The following UGT1A7 variants were observed in gnomAD, a reference collection of about 807,000 sequenced individuals.
The protein encoded by UGT1A7 is UDP glucuronosyltransferase family 1 member A7.
In UGT1A7, 33 loss-of-function variants were observed where a neutral mutation model predicts 45.6. The ratio of observed to expected loss-of-function variants is 0.72; its 90% CI spans 0.55 to 0.97. The LOEUF is 0.97. Ranked by LOEUF, UGT1A7 falls within the 50% of genes least tolerant of loss-of-function variation. The probability of loss-of-function intolerance (pLI) is 0.00; values close to 1 mark genes in which losing one functional copy is unlikely to be tolerated. For synonymous variants in UGT1A7, 274 were observed against 250.6 expected, an observed-to-expected ratio of 1.09 and a Z score of -0.88; for missense variants, 684 against 666.2, an observed-to-expected ratio of 1.03 and a Z score of -0.29.
At position 233,713,960 on chromosome 2, in the gene UGT1A7, A is replaced by T; in HGVS notation, c.855+31168A>T. 4.4e-6 allele frequency: 7 copies of T among 1,607,060 alleles called. No homozygotes were observed. The East Asian group carries it at 1.3e-4, about 31-fold the overall frequency. The stretch of plus-strand genomic sequence containing the variant: ...TCCATATCTACTTATCTTTCCAAAG[A>T]TTTCATTTCTGCTTCTCATTGTTGT... On this transcript the variant is annotated intron_variant, in intron 1 of 4. Coordinates refer to ENST00000373426, the MANE Select transcript of UGT1A7 (RefSeq NM_019077.3).
At chr2:233,691,704 TC>T (rs995733225) in intron 1 of UGT1A7, 2 of 946,920 alleles carry the variant, frequency 2.1e-6, no homozygotes, top group African/African-American at 3.5e-5. Flanking sequence ...GAGGAGTCAC[TC>T]CCCTGGCAGA....
intron 1 of UGT1A7, chr2:233,691,521 A>G (rs965532552): frequency 1.0e-6 from 1 of 985,728 alleles, no homozygotes; most frequent in Non-Finnish European, 1.2e-6. Flanking sequence ...CCAGGTGTGC[A>G]TGACTAGCTC....
intron 1 of UGT1A7, among the ~76,000 whole-genome samples, chr2:233,733,511 G>A (rs181008705): frequency 9.2e-5 from 14 of 152,226 alleles, no homozygotes; most frequent in Admixed American, 6.5e-4. Context: ...CCAGTTTTAG[G>A]CATGAAGGGA....
intron 1 of UGT1A7, among the ~76,000 whole-genome samples, chr2:233,712,441 G>A (rs991807443): frequency 3.3e-5 from 5 of 152,138 alleles, no homozygotes; most frequent in African/African-American, 9.7e-5. Context: ...TGTGAAAAAC[G>A]ACCAAAACCA....
At position 233,693,134 on chromosome 2, in the gene UGT1A7, G is replaced by A. The variant is rs767703127; in HGVS notation, c.855+10342G>A. On this transcript the variant is annotated intron_variant, in intron 1 of 4. Transcript: ENST00000373426. ...CGGAAGCCACTGGCTTAGTATGAAG[G>A]ATATAGTTGAGGTTCTCAGTGACCG... 19 of 1,614,202 alleles carry A rather than the reference G, an allele frequency of 1.2e-5. No homozygotes were observed. Among genetic ancestry groups the A allele is most frequent in the Admixed American group, 1.7e-5 (1 of 60,028 alleles).
chr2:233,751,961 T>G (rs923784516), intron 1 of UGT1A7, among the ~76,000 whole-genome samples: 8 of 152,012 alleles, frequency 5.3e-5, no homozygotes, highest in African/African-American at 1.9e-4. Context: ...TAAAGGAGAG[T>G]CTGAGAAAAG....
intron 1 of UGT1A7, chr2:233,743,783 C>T (rs781656153): frequency 2.2e-6 from 3 of 1,367,380 alleles, no homozygotes; most frequent in Non-Finnish European, 2.9e-6. Context: ...CTGCTTGAAT[C>T]TCCTCTCCGC....
intron 1 of UGT1A7, chr2:233,713,228 G>A (rs200357281): frequency 6.8e-6 from 11 of 1,614,092 alleles, no homozygotes; most frequent in Admixed American, 3.3e-5. Context: ...CCCTGACAAC[G>A]TATGCCATTT....
At chr2:233,719,789 A>T in intron 1 of UGT1A7, 1 of 1,609,250 alleles carries the variant, frequency 6.2e-7, no homozygotes, top group South Asian at 1.1e-5. Context: ...CTTTCCAAAG[A>T]TTTTATTTTG....
chr2:233,771,184 C>G (rs1452671929), intron 4 of UGT1A7: 1 of 152,242 alleles, frequency 6.6e-6, no homozygotes, highest in Non-Finnish European at 1.5e-5. Flanking sequence ...TACAATTCAA[C>G]ATGAGATCTG....
intron 1 of UGT1A7, among the ~76,000 whole-genome samples, chr2:233,749,893 C>G (rs141027223): frequency 8.5e-5 from 13 of 152,056 alleles, no homozygotes; most frequent in East Asian, 5.8e-4. Context: ...GAGGCTCCCC[C>G]CTCCAGCCAC....
At position 233,719,159 on chromosome 2, in the gene UGT1A7, T is replaced by G. The variant is rs28898610; in HGVS notation, c.855+36367T>G. On this transcript the variant is annotated intron_variant, in intron 1 of 4. Coordinates refer to ENST00000373426, the MANE Select transcript of UGT1A7 (RefSeq NM_019077.3). ...ATCTTCTGAAGAGATATTCTAGAAGTATGGCAATTATGAACAATGTATCTT... is the reference window on the plus strand; with the variant it reads ...ATCTTCTGAAGAGATATTCTAGAAGGATGGCAATTATGAACAATGTATCTT... 1.9e-6 allele frequency: 3 copies of G among 1,614,126 alleles called. No homozygotes were observed. Among genetic ancestry groups the G allele is most frequent in the Admixed American group, 1.7e-5 (1 of 60,002 alleles).
rs1355599661 is a variant in UGT1A7, at chr2:233,766,653, G to C, written c.856-381G>C. Among the ~76,000 whole-genome samples the C allele has an allele frequency of 2.6e-5, 4 of 152,090 alleles. No individual in the cohort carries two copies. In the East Asian group the frequency reaches 7.7e-4, roughly 29 times the overall value. On this transcript the variant is annotated intron_variant, in intron 1 of 4. Transcript: ENST00000373426. ...TCCCTACTTCCATATCATTTAAAGG[G>C]ACCACGCCCTTCCCAGCTCTTCCCT...
At chr2:233,704,053 G>A (rs2075765647) in intron 1 of UGT1A7, among the ~76,000 whole-genome samples, 2 of 151,842 alleles carry the variant, frequency 1.3e-5, no homozygotes, top group Admixed American at 6.6e-5. Flanking sequence ...AACATGCCTG[G>A]CTAATTTTTG....
chr2:233,689,091 C>A (rs2074925842), intron 1 of UGT1A7, among the ~76,000 whole-genome samples: 1 of 152,176 alleles, frequency 6.6e-6, no homozygotes, highest in Admixed American at 6.5e-5. Flanking sequence ...GTGGCCTGTG[C>A]CCCTCCCCAC....
intron 1 of UGT1A7, chr2:233,743,951 A>T: frequency 7.4e-7 from 1 of 1,344,342 alleles, no homozygotes; most frequent in Non-Finnish European, 9.9e-7. Flanking sequence ...AGGCACTGGC[A>T]CAGCGAGCGG....
chr2:233,768,219 G>T lies in UGT1A7; in HGVS notation c.1076-1G>T. 1 of 1,614,092 alleles carries T rather than the reference G, an allele frequency of 6.2e-7. No individual in the cohort carries two copies. The highest frequency in any genetic ancestry group is 8.5e-7 in the Non-Finnish European group (1 of 1,180,022). On this transcript the variant is annotated splice_acceptor_variant, in intron 3 of 4. Transcript: ENST00000373426. LOFTEE classifies it high-confidence loss of function. Reference sequence around the variant, plus strand: ...GACATCCTCCCTATTTTGCATCTCAGGTCACCCGATGACCCGTGCCTTTAT... The same window carrying T: ...GACATCCTCCCTATTTTGCATCTCATGTCACCCGATGACCCGTGCCTTTAT...
intron 1 of UGT1A7, among the ~76,000 whole-genome samples, chr2:233,757,896 C>T (rs1297679272): frequency 6.6e-6 from 1 of 152,080 alleles, no homozygotes; most frequent in Non-Finnish European, 1.5e-5. Flanking sequence ...GAAACACTTT[C>T]CATGGACGTG....
intron 1 of UGT1A7, among the ~76,000 whole-genome samples, chr2:233,739,543 T>G (rs555327898): frequency 6.6e-6 from 1 of 152,334 alleles, no homozygotes; most frequent in South Asian, 2.1e-4. Context: ...TTTTGGAGCT[T>G]TAAGATTTAA....
Sources: allele counts gnomAD v4.1 joint callset (sites outside exome capture counted in the v4.1 genomes callset), GRCh38; gene constraint gnomAD v4.1.1; transcripts MANE v1.5; gene names NCBI Gene and HGNC (gene_info 2026-07-23, HGNC 2026-07-21).